The following TMEM108 variants were observed in gnomAD, a reference collection of about 807,000 sequenced individuals.
The protein encoded by TMEM108 is transmembrane protein 108, also known as cancer/testis antigen 124.
A neutral mutation model predicts 35.1 loss-of-function variants in TMEM108; 12 were observed. The observed-to-expected ratio is 0.34, with a 90% CI of 0.22 to 0.55. The LOEUF (loss-of-function observed/expected upper bound fraction) is 0.55, where lower values mean the gene tolerates loss of function less well. TMEM108 is among the 20% of genes least tolerant of loss of function. The pLI is 0.89. For synonymous variants in TMEM108, 287 were observed against 308.6 expected, an observed-to-expected ratio of 0.93 and a Z score of 0.73; for missense variants, 680 against 753.3, an observed-to-expected ratio of 0.90 and a Z score of 1.14.
chr3:133,137,966 A>G (rs190777685), intron 2 of TMEM108, among the ~76,000 whole-genome samples: 15 of 152,336 alleles, frequency 9.8e-5, no homozygotes, highest in South Asian at 2.1e-4. Context: ...AGAATTTACA[A>G]TAAGAGGGCT....
chr3:133,388,092 G>C (rs1470065809), intron 4 of TMEM108: 1 of 985,324 alleles, frequency 1.0e-6, no homozygotes, highest in Non-Finnish European at 1.2e-6. Context: ...TGTCCTGATT[G>C]CTCCCCTCCC....
At chr3:133,073,198 T>C (rs1943696646) in intron 2 of TMEM108, among the ~76,000 whole-genome samples, 1 of 152,026 alleles carries the variant, frequency 6.6e-6, no homozygotes, top group Non-Finnish European at 1.5e-5. Context: ...ATAATCACGT[T>C]GTTGTATAAT....
chr3:133,353,127 G>A (rs1034647119), intron 3 of TMEM108, among the ~76,000 whole-genome samples: 1 of 152,180 alleles, frequency 6.6e-6, no homozygotes, highest in Non-Finnish European at 1.5e-5. Flanking sequence ...ACCTTGAAAT[G>A]TCTCGTGAAA....
chr3:133,257,087 G>T (rs1294339145), intron 3 of TMEM108: 1 of 152,196 alleles, frequency 6.6e-6, no homozygotes, highest in African/African-American at 2.4e-5. Flanking sequence ...CTTGGGTAGA[G>T]ACGACAGGAG....
chr3:133,178,415 A>G (rs973237551), intron 2 of TMEM108, among the ~76,000 whole-genome samples: 1 of 152,146 alleles, frequency 6.6e-6, no homozygotes, highest in African/African-American at 2.4e-5. Flanking sequence ...ATTATACTAC[A>G]AGGCTACAGT....
At chr3:133,383,108 TTAA>T in intron 4 of TMEM108, among the ~76,000 whole-genome samples, 1 of 152,262 alleles carries the variant, frequency 6.6e-6, no homozygotes, top group South Asian at 2.1e-4. Flanking sequence ...CAATGAATTC[TTAA>T]TAATGGTTGG....
chr3:133,284,414 C>G (rs1168364839), intron 3 of TMEM108, among the ~76,000 whole-genome samples: 1 of 152,340 alleles, frequency 6.6e-6, no homozygotes, highest in South Asian at 2.1e-4. Flanking sequence ...GCTTAGGCCT[C>G]CCACCTGGGG....
chr3:133,373,294 A>C (rs967602521), intron 3 of TMEM108, among the ~76,000 whole-genome samples: 4 of 149,024 alleles, frequency 2.7e-5, no homozygotes, highest in African/African-American at 7.6e-5. Flanking sequence ...GGCTGCAGTG[A>C]GCTGTGATCA....
chr3:133,131,293 C>T (rs550658068), intron 2 of TMEM108, among the ~76,000 whole-genome samples: 29 of 152,046 alleles, frequency 1.9e-4, no homozygotes, highest in East Asian at 9.6e-4. Context: ...ACTTAGTACA[C>T]GCACACCTTA....
At chr3:133,182,722 C>T (rs900893138) in intron 2 of TMEM108, among the ~76,000 whole-genome samples, 2 of 152,186 alleles carry the variant, frequency 1.3e-5, no homozygotes, top group Admixed American at 1.3e-4. Flanking sequence ...CCTCTCCTTT[C>T]GATGAAGCCT....
intron 2 of TMEM108, among the ~76,000 whole-genome samples, chr3:133,061,673 A>G (rs1943537820): frequency 6.6e-6 from 1 of 152,226 alleles, no homozygotes; most frequent in East Asian, 1.9e-4. Flanking sequence ...ATGCCCTATA[A>G]AACTAGGGGA....
intron 3 of TMEM108, among the ~76,000 whole-genome samples, chr3:133,257,421 T>A (rs1946563400): frequency 6.6e-6 from 1 of 152,224 alleles, no homozygotes; most frequent in Non-Finnish European, 1.5e-5. Context: ...TTAATAATCC[T>A]TAGAAAAGCA....
chr3:133,150,557 G>A (rs1944784962), intron 2 of TMEM108, among the ~76,000 whole-genome samples: 1 of 151,932 alleles, frequency 6.6e-6, no homozygotes. Flanking sequence ...CTGTGCTTTT[G>A]AAGTCATAGT....
At chr3:133,180,553 A>G (rs1945320305) in intron 2 of TMEM108, among the ~76,000 whole-genome samples, 1 of 152,126 alleles carries the variant, frequency 6.6e-6, no homozygotes, top group Non-Finnish European at 1.5e-5. Flanking sequence ...TTCTTTTGCA[A>G]TATGAGAGAA....
chr3:133,357,348 C>G (rs2072204009), intron 3 of TMEM108, among the ~76,000 whole-genome samples: 1 of 151,994 alleles, frequency 6.6e-6, no homozygotes, highest in Admixed American at 6.6e-5. Context: ...ATTAGTAAAA[C>G]CACTATGGAA....
intron 3 of TMEM108, among the ~76,000 whole-genome samples, chr3:133,274,451 G>T (rs79454865): frequency 0.014 from 2,166 of 152,256 alleles, 60 homozygotes; most frequent in African/African-American, 0.05. Flanking sequence ...CCCAAGCCTG[G>T]CTTGGAGGTA....
At chr3:133,241,794 A>G (rs778509632) in intron 3 of TMEM108, among the ~76,000 whole-genome samples, 8 of 151,838 alleles carry the variant, frequency 5.3e-5, no homozygotes, top group Non-Finnish European at 1.2e-4. Flanking sequence ...TTGCATTTTT[A>G]GTAGAGACAG....
intron 2 of TMEM108, among the ~76,000 whole-genome samples, chr3:133,075,365 C>T (rs1943727154): frequency 6.6e-6 from 1 of 152,214 alleles, no homozygotes; most frequent in African/African-American, 2.4e-5. Context: ...CAACACTCCA[C>T]CAATGCTTGG....
intron 2 of TMEM108, among the ~76,000 whole-genome samples, chr3:133,203,248 T>C (rs943452758): frequency 6.6e-6 from 1 of 152,192 alleles, no homozygotes; most frequent in Non-Finnish European, 1.5e-5. Context: ...ACAGAGACAG[T>C]TTGACTTCCT....
Sources: gnomAD v4.1 joint callset for allele counts (sites outside exome capture counted in the v4.1 genomes callset) on GRCh38, gnomAD v4.1.1 for gene constraint, MANE v1.5 for transcripts, NCBI Gene and HGNC (gene_info 2026-07-23, HGNC 2026-07-21) for gene names.